The following ANKS1A variants were observed in gnomAD, a reference collection of about 807,000 sequenced individuals.
ANKS1A encodes ankyrin repeat and sterile alpha motif domain containing 1A.
In ANKS1A, 55 loss-of-function variants were observed where a neutral mutation model predicts 120.3. The ratio of observed to expected loss-of-function variants is 0.46; its 90% CI spans 0.37 to 0.57. The LOEUF is 0.57. Among genes scored for constraint, ANKS1A ranks in the 20% least tolerant of loss-of-function variants. The pLI is 0.00. For synonymous variants in ANKS1A, 590 were observed against 604.7 expected (o/e 0.98, Z 0.36); for missense variants, 1,123 against 1,480.3 (o/e 0.76, Z 3.96).
chr6:34,964,741 A>G (rs1160670515), intron 1 of ANKS1A, among the ~76,000 whole-genome samples: 2 of 152,196 alleles, frequency 1.3e-5, no homozygotes, highest in Non-Finnish European at 2.9e-5. Flanking sequence ...TCTGTTGGGT[A>G]ATTGCCTGGA....
At chr6:34,993,399 AG>A (rs1483814618) in intron 9 of ANKS1A, among the ~76,000 whole-genome samples, 1 of 152,222 alleles carries the variant, frequency 6.6e-6, no homozygotes, top group Non-Finnish European at 1.5e-5. Flanking sequence ...TACAGTTGCC[AG>A]GTGTAGGAGC....
At chr6:34,899,939 A>G (rs909906831) in intron 1 of ANKS1A, among the ~76,000 whole-genome samples, 2 of 152,262 alleles carry the variant, frequency 1.3e-5, no homozygotes, top group Non-Finnish European at 2.9e-5. Context: ...ATTTGAAGTC[A>G]GTAACTCAAT....
chr6:34,952,584 A>G (rs1416633810), intron 1 of ANKS1A, among the ~76,000 whole-genome samples: 3 of 152,236 alleles, frequency 2.0e-5, no homozygotes, highest in African/African-American at 7.2e-5. Flanking sequence ...ACTAAATCAC[A>G]AAAGAAACTT....
intron 1 of ANKS1A, among the ~76,000 whole-genome samples, chr6:34,946,596 A>C (rs1323031959): frequency 6.6e-6 from 1 of 151,554 alleles, no homozygotes; most frequent in Admixed American, 6.6e-5. Context: ...TTGAAAAAAA[A>C]AAAAGGGGGG....
At chr6:34,920,501 G>T (rs755057557) in intron 1 of ANKS1A, among the ~76,000 whole-genome samples, 23 of 152,146 alleles carry the variant, frequency 1.5e-4, no homozygotes, top group Non-Finnish European at 1.8e-4. Context: ...ATAGGTGTGA[G>T]ATTACACCTG....
intron 1 of ANKS1A, among the ~76,000 whole-genome samples, chr6:34,937,231 G>A (rs945475501): frequency 6.6e-6 from 1 of 152,084 alleles, no homozygotes; most frequent in Non-Finnish European, 1.5e-5. Context: ...AGCACTTTGG[G>A]AGGTAGGGGC....
In ANKS1A at chr6:34,970,183, G is replaced by A; in HGVS notation, c.435+17G>A. ...AATGAACAGGTCGGAAGGAAGGGAGGCTTTCCTTCCTCCATTCAGCTATAG... is the reference window on the plus strand; with the variant it reads ...AATGAACAGGTCGGAAGGAAGGGAGACTTTCCTTCCTCCATTCAGCTATAG... On this transcript the variant is annotated intron_variant, in intron 3 of 23. Transcript: ENST00000360359. 2 of 1,604,180 alleles carry A rather than the reference G, an allele frequency of 1.2e-6. No homozygotes were observed. The highest frequency in any genetic ancestry group is 1.1e-5 in the South Asian group (1 of 90,018).
chr6:35,052,963 G>A lies in ANKS1A; in HGVS notation c.2011-1136G>A, dbSNP rs559579190. On this transcript the variant is annotated intron_variant, in intron 11 of 23. Transcript: ENST00000360359. Reference sequence around the variant, plus strand: ...AGTCAGATGACAGCCTGAGCCAGCAGTCGATTCTGTGGCTGGAGGAAGATA... The same window carrying A: ...AGTCAGATGACAGCCTGAGCCAGCAATCGATTCTGTGGCTGGAGGAAGATA... Among the ~76,000 whole-genome samples, 8 of 152,314 alleles carry A rather than the reference G, an allele frequency of 5.3e-5. No individual in the cohort carries two copies. The South Asian group carries it at 1.5e-3, about 28-fold the overall frequency.
Position 35,085,199 on chromosome 6 carries a change from G to C in ANKS1A, c.3133-567G>C, listed in dbSNP as rs1425930141. 6.6e-6 allele frequency among the ~76,000 whole-genome samples: 1 copy of C among 152,162 alleles called. No homozygotes were observed. Among genetic ancestry groups the C allele is most frequent in the Non-Finnish European group, 1.5e-5 (1 of 68,024 alleles). On this transcript the variant is annotated intron_variant, in intron 21 of 23. Transcript: ENST00000360359. The surrounding 1 kb of genome is among the most constrained non-coding windows in gnomAD (Gnocchi z 4.7). ...CTCATCTGTCTGGAGGGGATATAAT[G>C]TGGCCCACCTCAGGGGCCACTGTGA...
rs183671262 is a variant in ANKS1A at position 35,044,542 on chromosome 6, A to G, written c.2011-9557A>G. Among the ~76,000 whole-genome samples the G allele has an allele frequency of 1.7e-4, 26 of 152,188 alleles. No individual in the cohort carries two copies. Among genetic ancestry groups the G allele is most frequent in the Middle Eastern group, 3.4e-3 (1 of 294 alleles). On this transcript the variant is annotated intron_variant, in intron 11 of 23. Transcript: ENST00000360359. The surrounding 1 kb of genome is among the most constrained non-coding windows in gnomAD (Gnocchi z 4.4). Reference sequence around the variant, plus strand: ...CCCTGTTCCCTCTCCTCACTTTGGTATTGTCTTGGATCCTCCGGTTTGCTT... The same window carrying G: ...CCCTGTTCCCTCTCCTCACTTTGGTGTTGTCTTGGATCCTCCGGTTTGCTT...
chr6:35,056,751 G>C (rs938189070), intron 12 of ANKS1A, among the ~76,000 whole-genome samples: 9 of 152,250 alleles, frequency 5.9e-5, no homozygotes, highest in Admixed American at 2.0e-4. Flanking sequence ...AGGCACATGT[G>C]GGGGACCACC....
chr6:35,031,234 CT>C (rs748466018), intron 11 of ANKS1A, among the ~76,000 whole-genome samples: 3 of 152,294 alleles, frequency 2.0e-5, no homozygotes, highest in East Asian at 3.9e-4. Context: ...CTGTTGTGCT[CT>C]TTTGGCAAAA....
At chr6:35,046,681 C>T (rs1246833186) in intron 11 of ANKS1A, among the ~76,000 whole-genome samples, 1 of 152,156 alleles carries the variant, frequency 6.6e-6, no homozygotes, top group Non-Finnish European at 1.5e-5. Flanking sequence ...AAGTAAGTTG[C>T]AGACATCAGT....
At chr6:35,031,560 C>T (rs995240850) in intron 11 of ANKS1A, among the ~76,000 whole-genome samples, 16 of 152,174 alleles carry the variant, frequency 1.1e-4, no homozygotes, top group South Asian at 8.3e-4. Flanking sequence ...TTGTGCCAGT[C>T]GCCAGGGTTT....
At chr6:34,959,302 T>C (rs1770521151) in intron 1 of ANKS1A, among the ~76,000 whole-genome samples, 1 of 152,258 alleles carries the variant, frequency 6.6e-6, no homozygotes, top group Non-Finnish European at 1.5e-5. Context: ...TTTGTTATAC[T>C]GCATAGAGAC....
chr6:35,095,594 G>A (rs1205113812), downstream of ANKS1A, among the ~76,000 whole-genome samples: 3 of 89,666 alleles, frequency 3.3e-5, no homozygotes, highest in Non-Finnish European at 4.4e-5. Flanking sequence ...GAAAGAAAGA[G>A]AGAAAGAAAG....
chr6:34,890,853 G>C (rs1766783457), intron 1 of ANKS1A, among the ~76,000 whole-genome samples: 1 of 152,168 alleles, frequency 6.6e-6, no homozygotes, highest in Non-Finnish European at 1.5e-5. Context: ...TGTAACTTCA[G>C]TTTGAGTGAG....
chr6:34,974,878 G>A (rs557057851), intron 3 of ANKS1A, among the ~76,000 whole-genome samples: 19 of 152,292 alleles, frequency 1.2e-4, no homozygotes, highest in South Asian at 1.0e-3. Context: ...TTTGTTACTA[G>A]TAGATGACGC....
Position 35,082,747 on chromosome 6 carries a change from C to T in ANKS1A, c.2766C>T (p.Tyr922=), listed in dbSNP as rs551945926. The stretch of plus-strand genomic sequence containing the variant: ...GGCCCCCGAGCCTGGCAGCCCCCTA[C>T]GCCCCAGTGCAGAGTTGGCAACACC... ...TLRPPSLAAP[Y]APVQSWQHQP... The change falls in exon 18 of 24, where the codon TAC becomes TAT. Residue 922 remains tyrosine, a synonymous_variant. Coordinates refer to ENST00000360359, the MANE Select transcript of ANKS1A (RefSeq NM_015245.3). This position sits in a 1 kb window ranked among gnomAD's most constrained non-coding sequence, Gnocchi z 4.1. 45 of 1,613,892 alleles carry T rather than the reference C, an allele frequency of 2.8e-5. No individual in the cohort carries two copies. The highest frequency in any genetic ancestry group is 8.3e-5 in the Admixed American group (5 of 60,006).
Sources: allele counts gnomAD v4.1 joint callset (sites outside exome capture counted in the v4.1 genomes callset), GRCh38; gene constraint gnomAD v4.1.1; non-coding constraint Gnocchi (gnomAD v3.1); transcripts MANE v1.5; gene names NCBI Gene and HGNC (gene_info 2026-07-23, HGNC 2026-07-21).